ZNF268: variants seen among roughly 807,000 people sequenced by gnomAD.
ZNF268 encodes zinc finger protein 268.
ZNF268 carries 20 observed loss-of-function variants against 29.3 expected under a neutral mutation model. That is an observed-to-expected ratio of 0.68 (90% confidence interval 0.48 to 0.99). ZNF268 has a LOEUF of 0.99. Ranked by LOEUF, ZNF268 falls within the 50% of genes least tolerant of loss-of-function variation. The pLI is 0.00. For synonymous variants in ZNF268, 429 were observed against 376.9 expected, an observed-to-expected ratio of 1.14 and a Z score of -1.60; for missense variants, 1,240 against 1,121.6, an observed-to-expected ratio of 1.11 and a Z score of -1.51.
At chr12:133,200,732 C>G (rs1956733701) in intron 5 of ZNF268, among the ~76,000 whole-genome samples, 2 of 152,062 alleles carry the variant, frequency 1.3e-5, no homozygotes, top group South Asian at 2.1e-4. Context: ...TTTGCCTACC[C>G]TGTGCCGATT....
chr12:133,202,729 T>A lies in ZNF268; in HGVS notation c.1043T>A (p.Val348Asp). The A allele has an allele frequency of 6.2e-7, 1 of 1,611,980 alleles. No homozygotes were observed. The highest frequency in any genetic ancestry group is 8.5e-7 in the Non-Finnish European group (1 of 1,179,196). Reference protein sequence around the residue: ...RKTFSFHSQLVIHQRIHTGEN... With the variant: ...RKTFSFHSQLDIHQRIHTGEN... The stretch of plus-strand genomic sequence containing the variant: ...ACATTCAGTTTCCATTCACAGCTTG[T>A]TATACATCAGAGAATTCACACAGGT... The change falls in exon 6 of 6, where the codon GTT becomes GAT. Residue 348 changes from valine (V) to aspartate (D), a missense_variant. By Grantham distance (152) the Val-to-Asp change is radical. This residue lies in a region of ZNF268 where 1,177 missense variants were observed against 1,039.6 expected (regional missense o/e 1.13). Coordinates refer to ENST00000536435, the MANE Select transcript of ZNF268 (RefSeq NM_003415.3).
intron 5 of ZNF268, among the ~76,000 whole-genome samples, chr12:133,193,734 T>C (rs2135502500): frequency 6.6e-6 from 1 of 152,298 alleles, no homozygotes; most frequent in South Asian, 2.1e-4. Context: ...AGATTGAAGC[T>C]CTTTTCCTCT....
intron 2 of ZNF268, among the ~76,000 whole-genome samples, chr12:133,187,230 G>A (rs1156530547): frequency 3.3e-5 from 5 of 149,364 alleles, no homozygotes; most frequent in Non-Finnish European, 5.9e-5. Flanking sequence ...GGTCGTTGGC[G>A]CTTTTTTATG....
Position 133,204,481 on chromosome 12 carries a change from A to G in ZNF268, c.2795A>G (p.Lys932Arg). Residue 932 changes from lysine (K) to arginine (R), a missense_variant, in exon 6 of 6, where the codon AAG (lysine) becomes AGG (arginine). Coordinates refer to ENST00000536435, the MANE Select transcript of ZNF268 (RefSeq NM_003415.3). ...CTECGKAFCW[K>R]SQLIMHQRTH... The stretch of plus-strand genomic sequence containing the variant: ...GAATGTGGGAAAGCCTTTTGTTGGA[A>G]GTCACAGCTCATTATGCATCAGAGA... The G allele has an allele frequency of 6.5e-7, 1 of 1,544,086 alleles. No individual in the cohort carries two copies. Among genetic ancestry groups the G allele is most frequent in the Middle Eastern group, 1.7e-4 (1 of 5,986 alleles).
At chr12:133,197,624 C>T (rs1956643493) in intron 5 of ZNF268, among the ~76,000 whole-genome samples, 2 of 152,178 alleles carry the variant, frequency 1.3e-5, no homozygotes, top group African/African-American at 4.8e-5. Flanking sequence ...CTGACTTCCA[C>T]AATGGTTGAA....
Position 133,213,051 on chromosome 12 carries a change from T to A in ZNF268, c.*8521T>A, listed in dbSNP as rs1957010246. 6.6e-6 allele frequency: 1 copy of A among 152,160 alleles called. No individual in the cohort carries two copies. Among genetic ancestry groups the A allele is most frequent in the African/African-American group, 2.4e-5 (1 of 41,432 alleles). 9.4% of individuals were successfully genotyped at this position (152,160 alleles called of 1,614,324 possible). A position where few individuals can be genotyped will look rare whatever the true frequency, so the allele number is the denominator to read the frequency against. On this transcript the variant is annotated 3_prime_UTR_variant, in exon 6 of 6. Coordinates refer to ENST00000536435, the MANE Select transcript of ZNF268 (RefSeq NM_003415.3). ...TTTTAGTAGAGACAGGGTTTCACCA[T>A]GTTGGCCAGGCCAGGCTAGTCTCAA...
rs958810670 is a variant in ZNF268, at chr12:133,211,914, C to T, written c.*7384C>T. On this transcript the variant is annotated 3_prime_UTR_variant, in exon 6 of 6. Coordinates refer to ENST00000536435, the MANE Select transcript of ZNF268 (RefSeq NM_003415.3). ...CATAGGAGTTTGATCTAAACAAAAC[C>T]CAGCATGTACTCACGTACAGCAGCT... is the stretch of plus-strand genomic sequence containing the variant. 6.6e-6 allele frequency: 1 copy of T among 152,152 alleles called. No individual in the cohort carries two copies. Among genetic ancestry groups the T allele is most frequent in the Admixed American group, 6.5e-5 (1 of 15,282 alleles). The allele number at this position is 152,152 out of a possible 1,614,324, so 9.4% of individuals were successfully genotyped here. A position where few individuals can be genotyped will look rare whatever the true frequency, so the allele number is the denominator to read the frequency against.
rs1956766484 is a variant in ZNF268, at chr12:133,202,147, C to T, written c.461C>T (p.Thr154Ile). The T allele has an allele frequency of 1.3e-6, 2 of 1,573,408 alleles. No individual in the cohort carries two copies. The highest frequency in any genetic ancestry group is 1.7e-6 in the Non-Finnish European group (2 of 1,160,600). The stretch of plus-strand genomic sequence containing the variant: ...GACCAATTGTTCTCATTTCTAGACA[C>T]AGTCTGGAAAATTGATGATCTTATG... Reference protein sequence around the residue: ...AQVPNQTCPNTVWKIDDLMDW... With the variant: ...AQVPNQTCPNIVWKIDDLMDW... The change falls in exon 6 of 6, where the codon ACA (threonine) becomes ATA (isoleucine). Residue 154 changes from threonine to isoleucine, a missense_variant. Thr to Ile is a moderately conservative substitution (Grantham distance 89). Around this residue, in one of 3 missense-constraint regions of ZNF268, gnomAD observed 1,177 missense variants for 1,039.6 expected, o/e 1.13. Coordinates refer to ENST00000536435, the MANE Select transcript of ZNF268 (RefSeq NM_003415.3).
Position 133,187,868 on chromosome 12 carries a change from A to G in ZNF268, c.34-4A>G, listed in dbSNP as rs1205552422. 18 of 1,585,200 alleles carry G rather than the reference A, an allele frequency of 1.1e-5. No individual in the cohort carries two copies. Among genetic ancestry groups the G allele is most frequent in the Non-Finnish European group, 1.3e-5 (15 of 1,165,312 alleles). On this transcript the variant is annotated splice_region_variant and splice_polypyrimidine_tract_variant and intron_variant, in intron 2 of 5. Coordinates refer to ENST00000536435, the MANE Select transcript of ZNF268 (RefSeq NM_003415.3). ...CTAAAGTAAATTTGCTCTTGAGTCC[A>G]CAGGTCCCACCTCTCCAAGAACGAA...
rs1491478728 is a variant in ZNF268 at position 133,208,944 on chromosome 12, CAT to C, written c.*4415_*4416del. On this transcript the variant is annotated 3_prime_UTR_variant, in exon 6 of 6. Transcript: ENST00000536435. Reference sequence around the variant, plus strand: ...AGCTCCTTATATGGCATAGTATTTGCATTTTTTTTTTTTTTTTTGAGATGGAG... The same window carrying C: ...AGCTCCTTATATGGCATAGTATTTGCTTTTTTTTTTTTTTTTGAGATGGAG... 2 of 107,096 alleles carry C rather than the reference CAT, an allele frequency of 1.9e-5. No homozygotes were observed. The highest frequency in any genetic ancestry group is 7.6e-5 in the African/African-American group (2 of 26,190). 6.6% of individuals were successfully genotyped at this position (107,096 alleles called of 1,614,324 possible).
intron 2 of ZNF268, among the ~76,000 whole-genome samples, 160 bp from the exon 3 acceptor site, chr12:133,187,712 A>G (rs1956358484): frequency 1.3e-5 from 2 of 152,194 alleles, no homozygotes; most frequent in Admixed American, 6.5e-5. Flanking sequence ...AAGCCTTGTC[A>G]GGAAGCCATT....
intron 3 of ZNF268, among the ~76,000 whole-genome samples, chr12:133,190,644 CTTT>C (rs34441739): frequency 6.6e-6 from 1 of 152,136 alleles, no homozygotes; most frequent in Non-Finnish European, 1.5e-5. Context: ...CAGCAGTTAC[CTTT>C]TTAGTCCATA....
At chr12:133,186,264 A>AGGG (rs1220730489) in intron 2 of ZNF268, among the ~76,000 whole-genome samples, 6 of 152,010 alleles carry the variant, frequency 3.9e-5, no homozygotes, top group Non-Finnish European at 8.8e-5. Context: ...GGATTTCTTG[A>AGGG]GGCAGAGATT....
intron 5 of ZNF268, among the ~76,000 whole-genome samples, chr12:133,193,708 A>G (rs1393178538): frequency 6.6e-6 from 1 of 152,190 alleles, no homozygotes; most frequent in African/African-American, 2.4e-5. Context: ...TCAAACCTTA[A>G]TAACTTCCAT....
chr12:133,210,801 G>T lies in ZNF268; in HGVS notation c.*6271G>T. On this transcript the variant is annotated 3_prime_UTR_variant, in exon 6 of 6. Transcript: ENST00000536435. Reference sequence around the variant, plus strand: ...CAGGTCCTGAGTAGAAGGAAGGCCTGGTCCTCTGTGGATTCAACCCAGAGG... The same window carrying T: ...CAGGTCCTGAGTAGAAGGAAGGCCTTGTCCTCTGTGGATTCAACCCAGAGG... 1 of 455,830 alleles carries T rather than the reference G, an allele frequency of 2.2e-6. No individual in the cohort carries two copies. Among genetic ancestry groups the T allele is most frequent in the Middle Eastern group, 3.3e-4 (1 of 3,070 alleles). The allele number at this position is 455,830 out of a possible 1,614,324, so 28.2% of individuals were successfully genotyped here.
intron 3 of ZNF268, among the ~76,000 whole-genome samples, chr12:133,189,485 G>A (rs1956409409): frequency 6.6e-6 from 1 of 152,116 alleles, no homozygotes; most frequent in African/African-American, 2.4e-5. Flanking sequence ...AAAATGCTGG[G>A]AATACAGGTG....
intron 2 of ZNF268, among the ~76,000 whole-genome samples, chr12:133,184,327 G>A (rs553523851): frequency 1.4e-4 from 22 of 151,952 alleles, no homozygotes; most frequent in Middle Eastern, 3.4e-3. Flanking sequence ...CAATGACCTC[G>A]ATCTCCTGAC....
chr12:133,193,888 C>T (rs1014704102), intron 5 of ZNF268, among the ~76,000 whole-genome samples: 8 of 152,070 alleles, frequency 5.3e-5, no homozygotes, highest in African/African-American at 1.5e-4. Context: ...CTACATACCA[C>T]CTTCTTTTCA....
At chr12:133,188,323 G>A (rs1956376101) in intron 3 of ZNF268, among the ~76,000 whole-genome samples, 1 of 152,064 alleles carries the variant, frequency 6.6e-6, no homozygotes, top group African/African-American at 2.4e-5. Context: ...AGCCTCTTGA[G>A]TAGCTGGGAC....
Sources: allele counts gnomAD v4.1 joint callset (sites outside exome capture counted in the v4.1 genomes callset), GRCh38; gene constraint gnomAD v4.1.1; regional missense constraint gnomAD v4.1.1; transcripts MANE v1.5; gene names NCBI Gene and HGNC (gene_info 2026-07-23, HGNC 2026-07-21).